POLR3G: variants seen among roughly 807,000 people sequenced by gnomAD.
POLR3G encodes DNA-directed RNA polymerase III subunit RPC7.
In POLR3G, 28 loss-of-function variants were observed where a neutral mutation model predicts 30.1. The observed-to-expected ratio is 0.93, with a 90% CI of 0.69 to 1.27. POLR3G has a LOEUF of 1.27. Ranked by LOEUF, POLR3G falls within the 50% of genes most tolerant of loss-of-function variation. The probability of loss-of-function intolerance (pLI) is 0.00; values close to 1 mark genes in which losing one functional copy is unlikely to be tolerated. For synonymous variants in POLR3G, 79 were observed against 82.5 expected (o/e 0.96, Z 0.23); for missense variants, 254 against 264.6 (o/e 0.96, Z 0.28).
At chr5:90,477,317 G>A (rs940834244) in intron 1 of POLR3G, among the ~76,000 whole-genome samples, 7 of 152,204 alleles carry the variant, frequency 4.6e-5, no homozygotes, top group Non-Finnish European at 8.8e-5. Context: ...GAGGCAGAAA[G>A]ACTCCAAAGC....
At chr5:90,493,459 G>A (rs1751831201) in intron 3 of POLR3G, among the ~76,000 whole-genome samples, 1 of 151,880 alleles carries the variant, frequency 6.6e-6, no homozygotes, top group Non-Finnish European at 1.5e-5. Flanking sequence ...TGTTGCTCAG[G>A]CTGGTCTCGA....
At chr5:90,505,105 G>A (rs1752424007) in intron 6 of POLR3G, among the ~76,000 whole-genome samples, 1 of 152,102 alleles carries the variant, frequency 6.6e-6, no homozygotes, top group Non-Finnish European at 1.5e-5. Context: ...TTAATTACAA[G>A]GATTTTTAAA....
In POLR3G at chr5:90,512,167, A is replaced by T; in HGVS notation, c.*28A>T. On this transcript the variant is annotated 3_prime_UTR_variant, in exon 8 of 8. Coordinates refer to ENST00000651687, the MANE Select transcript of POLR3G (RefSeq NM_006467.3). ...ATGAAATTTTTCAAAAAATATTTTT[A>T]TGATGCAGCTTCTGAACATTTGGAC... 1 of 1,322,486 alleles carries T rather than the reference A, an allele frequency of 7.6e-7. No individual in the cohort carries two copies. Among genetic ancestry groups the T allele is most frequent in the Non-Finnish European group, 1.1e-6 (1 of 916,490 alleles). The allele number at this position is 1,322,486 out of a possible 1,614,324, so 81.9% of individuals were successfully genotyped here.
intron 3 of POLR3G, among the ~76,000 whole-genome samples, chr5:90,493,022 A>G (rs1751807775): frequency 6.6e-6 from 1 of 152,234 alleles, no homozygotes; most frequent in Admixed American, 6.5e-5. Context: ...TGAGAAAACC[A>G]GAGGAAATTA....
At chr5:90,486,790 C>G (rs1248947930) in intron 2 of POLR3G, among the ~76,000 whole-genome samples, 1 of 152,146 alleles carries the variant, frequency 6.6e-6, no homozygotes, top group Non-Finnish European at 1.5e-5. Context: ...TTGTATGTCA[C>G]CTCATTTGTT....
intron 5 of POLR3G, among the ~76,000 whole-genome samples, chr5:90,499,531 C>G (rs151116491): frequency 7.9e-5 from 12 of 152,098 alleles, no homozygotes; most frequent in African/African-American, 2.9e-4. Context: ...ATGGCTTAAC[C>G]GGTAAATGGA....
At chr5:90,483,216 C>T (rs963175498) in intron 1 of POLR3G, among the ~76,000 whole-genome samples, 16 of 151,672 alleles carry the variant, frequency 1.1e-4, no homozygotes, top group African/African-American at 3.4e-4. Context: ...AATAAAACTC[C>T]GGTCTCCCGC....
chr5:90,481,938 A>G (rs1428347293), intron 1 of POLR3G, among the ~76,000 whole-genome samples: 2 of 152,222 alleles, frequency 1.3e-5, no homozygotes, highest in Non-Finnish European at 2.9e-5. Flanking sequence ...AAGTATAGTT[A>G]AAGTACAATA....
intron 2 of POLR3G, among the ~76,000 whole-genome samples, chr5:90,487,080 ATG>A (rs966644733): frequency 4.6e-5 from 7 of 152,138 alleles, no homozygotes; most frequent in African/African-American, 1.7e-4. Flanking sequence ...GTGTATATGT[ATG>A]TGTGTGTATA....
intron 5 of POLR3G, among the ~76,000 whole-genome samples, chr5:90,500,894 CTT>C (rs1025530030): frequency 1.3e-5 from 2 of 152,148 alleles, no homozygotes; most frequent in African/African-American, 4.8e-5. Context: ...CTGTAATACT[CTT>C]TGACCACAAT....
At chr5:90,478,521 G>A (rs1254292298) in intron 1 of POLR3G, among the ~76,000 whole-genome samples, 1 of 146,856 alleles carries the variant, frequency 6.8e-6, no homozygotes, top group Non-Finnish European at 1.5e-5. Context: ...AACCGCTTAG[G>A]GTGTTGCTTT....
intron 7 of POLR3G, among the ~76,000 whole-genome samples, chr5:90,510,591 A>G (rs1304651813): frequency 6.6e-6 from 1 of 152,064 alleles, no homozygotes; most frequent in Non-Finnish European, 1.5e-5. Flanking sequence ...CTCCTTTACA[A>G]TGAGACCTCA....
At chr5:90,484,281 T>TG (rs1446445659) in intron 1 of POLR3G, among the ~76,000 whole-genome samples, 2 of 152,232 alleles carry the variant, frequency 1.3e-5, no homozygotes, top group Non-Finnish European at 2.9e-5. Context: ...TTCTGAGTGA[T>TG]GCTGCTGCAG....
intron 7 of POLR3G, among the ~76,000 whole-genome samples, chr5:90,511,452 A>C (rs1752736884): frequency 6.6e-6 from 1 of 152,206 alleles, no homozygotes. Context: ...GGAGGCCCGG[A>C]AAAATAAATA....
At chr5:90,474,026 G>A (rs1466246502), upstream of POLR3G, 6 of 1,594,092 alleles carry the variant, frequency 3.8e-6, no homozygotes, top group South Asian at 5.7e-5. Flanking sequence ...AGAGGCCGCC[G>A]GAGTGGTCGA....
At chr5:90,502,123 A>G in intron 6 of POLR3G, 135 bp downstream of exon 6, 2 of 1,450,582 alleles carry the variant, frequency 1.4e-6, no homozygotes, top group Non-Finnish European at 1.8e-6. Context: ...CCCAACATAT[A>G]AGGTAACTGG....
chr5:90,494,875 G>GT (rs1751907393), intron 3 of POLR3G, among the ~76,000 whole-genome samples: 1 of 151,950 alleles, frequency 6.6e-6, no homozygotes, highest in Admixed American at 6.6e-5. Flanking sequence ...GGTAAAAACT[G>GT]TTTTTTTCCG....
Position 90,497,510 on chromosome 5 carries a change from A to G in POLR3G, c.305-146A>G. The G allele has an allele frequency of 8.0e-6, 7 of 875,514 alleles. No homozygotes were observed. In the South Asian group the frequency reaches 1.5e-4, roughly 18 times the overall value. 54.2% of individuals were successfully genotyped at this position (875,514 alleles called of 1,614,324 possible). On this transcript the variant is annotated intron_variant, in intron 4 of 7. Transcript: ENST00000651687. ...TGTAATATTTGGATTTGGTTTTTAT[A>G]TGTTTCAAGCTAAATTTGTAAAGTC...
upstream of POLR3G, chr5:90,474,384 G>T (rs377076752): frequency 4.1e-6 from 5 of 1,206,328 alleles, no homozygotes; most frequent in African/African-American, 3.0e-5. Context: ...TGTGTGAAGC[G>T]GTCTGCCTGC....
Sources: allele counts gnomAD v4.1 joint callset (sites outside exome capture counted in the v4.1 genomes callset), GRCh38; gene constraint gnomAD v4.1.1; transcripts MANE v1.5; gene names NCBI Gene and HGNC (gene_info 2026-07-23, HGNC 2026-07-21).